The following DDIAS variants were observed in gnomAD, a reference collection of about 807,000 sequenced individuals.
DDIAS encodes the protein DNA damage induced apoptosis suppressor, also known as DNA damage-induced apoptosis suppressor protein.
DDIAS carries 14 observed loss-of-function variants against 15.7 expected under a neutral mutation model. That is an observed-to-expected ratio of 0.89 (90% CI 0.59 to 1.39). DDIAS has a LOEUF of 1.39. Ranked by LOEUF, DDIAS falls within the 40% of genes most tolerant of loss-of-function variation. DDIAS has a pLI of 0.00. For synonymous variants in DDIAS, 355 were observed against 395.9 expected (o/e 0.90, Z 1.23); for missense variants, 1,035 against 1,130.9 (o/e 0.92, Z 1.22).
Position 82,933,038 on chromosome 11 carries a change from G to A in DDIAS, c.1700G>A (p.Ser567Asn), listed in dbSNP as rs1301983795. Reference sequence around the variant, plus strand: ...ATCAGAATCTCACCACACAGGGAGAGTGACCATTCTAGTCTAAATAACAAA... The same window carrying A: ...ATCAGAATCTCACCACACAGGGAGAATGACCATTCTAGTCTAAATAACAAA... ...KTIRISPHRE[S>N]DHSSLNNKYL... Residue 567 changes from serine to asparagine, a missense_variant, in exon 6 of 6, where the codon AGT (serine) becomes AAT (asparagine). Physicochemically the swap from Ser to Asn is conservative, Grantham distance 46. Coordinates refer to ENST00000533655, the MANE Select transcript of DDIAS (RefSeq NM_145018.4). The A allele has an allele frequency of 1.2e-6, 2 of 1,606,852 alleles. No individual in the cohort carries two copies. Among genetic ancestry groups the A allele is most frequent in the African/African-American group, 2.7e-5 (2 of 75,048 alleles).
rs1428204211 is a variant in DDIAS at position 82,914,848 on chromosome 11, A to G, written c.110A>G (p.Lys37Arg). 6 of 1,554,426 alleles carry G rather than the reference A, an allele frequency of 3.9e-6. No individual in the cohort carries two copies. The highest frequency in any genetic ancestry group is 2.3e-5 in the East Asian group (1 of 44,316). ...KCFSRIILVS[K>R]RSNCPKCGST... is the part of the protein sequence containing the mutation. The stretch of plus-strand genomic sequence containing the variant: ...TTCTCTAGGATAATCCTGGTCTCCA[A>G]AAGGTAAAAGTAAAGTCTGTAAGTG... The change falls in exon 3 of 6, where the codon AAA becomes AGA. Residue 37 changes from lysine (K) to arginine (R), a missense_variant. Physicochemically the swap from Lys to Arg is conservative, Grantham distance 26. Transcript: ENST00000533655.
chr11:82,918,783 G>C (rs539243167), intron 3 of DDIAS, among the ~76,000 whole-genome samples: 1 of 151,874 alleles, frequency 6.6e-6, no homozygotes, highest in Non-Finnish European at 1.5e-5. Context: ...GAGGTCTTTT[G>C]CCTCCTTGGT....
chr11:82,908,713 A>G (rs1860474306), intron 1 of DDIAS, among the ~76,000 whole-genome samples: 1 of 152,146 alleles, frequency 6.6e-6, no homozygotes. Context: ...AAATAACCAA[A>G]TTTCCCACAT....
chr11:82,934,022 CTGA>C lies in DDIAS; in HGVS notation c.2686_2688del (p.Asp896del), dbSNP rs796461141. On this transcript the variant is annotated inframe_deletion, in exon 6 of 6. Transcript: ENST00000533655. ...AAATGCCTTGCTGCCTATCATTTCC[CTGA>C]TCAACAAGAGTTACCAAGAAAGAAA... The C allele has an allele frequency of 1.2e-6, 2 of 1,613,772 alleles. No homozygotes were observed. The highest frequency in any genetic ancestry group is 1.7e-5 in the Admixed American group (1 of 59,974).
chr11:82,914,371 C>T (rs10792664), intron 2 of DDIAS, among the ~76,000 whole-genome samples: 35,937 of 152,144 alleles, frequency 0.24, 4,689 homozygotes, highest in Admixed American at 0.3. Context: ...TCAAGATGCT[C>T]AACCGGTAGT....
At chr11:82,903,024 T>C (rs972290434) in intron 1 of DDIAS, among the ~76,000 whole-genome samples, 2 of 152,090 alleles carry the variant, frequency 1.3e-5, no homozygotes, top group Non-Finnish European at 2.9e-5. Flanking sequence ...GATCCAACCA[T>C]GCAAAAGAGG....
chr11:82,919,944 C>T (rs112057139), intron 3 of DDIAS, among the ~76,000 whole-genome samples: 1,970 of 152,244 alleles, frequency 0.013, 31 homozygotes, highest in African/African-American at 0.044. Context: ...AGGATGGTCT[C>T]GATCTCCTAA....
chr11:82,910,139 T>G (rs543546769), intron 1 of DDIAS, among the ~76,000 whole-genome samples: 62 of 152,352 alleles, frequency 4.1e-4, no homozygotes, highest in Non-Finnish European at 8.5e-4. Flanking sequence ...TGAAAGTTTT[T>G]GCCATGTGTT....
At chr11:82,912,847 C>T (rs1432483796) in intron 1 of DDIAS, among the ~76,000 whole-genome samples, 1 of 152,116 alleles carries the variant, frequency 6.6e-6, no homozygotes, top group Admixed American at 6.5e-5. Flanking sequence ...TTCACCTGAA[C>T]ACCTAGAGGT....
chr11:82,912,179 C>A (rs775533407), intron 1 of DDIAS, among the ~76,000 whole-genome samples: 2 of 152,192 alleles, frequency 1.3e-5, no homozygotes, highest in Non-Finnish European at 2.9e-5. Context: ...TCACCCCTAA[C>A]AAGAGAGTTA....
chr11:82,910,279 C>CTTT (rs71063240), intron 1 of DDIAS, among the ~76,000 whole-genome samples: 3 of 129,844 alleles, frequency 2.3e-5, no homozygotes, highest in Non-Finnish European at 4.9e-5. Flanking sequence ...ACAAACCAAC[C>CTTT]TTTTTTTTTT....
chr11:82,931,932 G>A lies in DDIAS; in HGVS notation c.594G>A (p.Gln198=), dbSNP rs779040583. The change falls in exon 6 of 6, where the codon CAG becomes CAA. Residue 198 remains glutamine (Q), a synonymous_variant. Transcript: ENST00000533655. ...TCAGGAAACTTCAGTGTGACTCTCA[G>A]GCACCTAACAATCACTTACTTGCTT... ...FNFRKLQCDS[Q]APNNHLLALD... 1 of 1,614,060 alleles carries A rather than the reference G, an allele frequency of 6.2e-7. No homozygotes were observed. Among genetic ancestry groups the A allele is most frequent in the Non-Finnish European group, 8.5e-7 (1 of 1,179,996 alleles).
intron 4 of DDIAS, among the ~76,000 whole-genome samples, chr11:82,929,575 C>T (rs918740490): frequency 2.0e-5 from 3 of 151,846 alleles, no homozygotes; most frequent in African/African-American, 4.8e-5. Context: ...TGGTGGTGGG[C>T]GCCTGTAGTC....
chr11:82,933,776 A>C lies in DDIAS; in HGVS notation c.2438A>C (p.Glu813Ala). 6.2e-7 allele frequency: 1 copy of C among 1,610,572 alleles called. No individual in the cohort carries two copies. The highest frequency in any genetic ancestry group is 8.5e-7 in the Non-Finnish European group (1 of 1,179,196). Residue 813 changes from glutamate (E) to alanine (A), a missense_variant, in exon 6 of 6, where the codon GAA (glutamate) becomes GCA (alanine). Physicochemically the swap from Glu to Ala is moderately radical, Grantham distance 107. Coordinates refer to ENST00000533655, the MANE Select transcript of DDIAS (RefSeq NM_145018.4). ...TATGAAAAAATAAGGATTTTCCCTG[A>C]AAATGACAAACAGCAAGCCAGCCCA... The part of the protein sequence containing the change: ...GNYEKIRIFP[E>A]NDKQQASPSC...
At position 82,933,914 on chromosome 11, in the gene DDIAS, C is replaced by CTGAT; in HGVS notation, c.2577_2580dup (p.Ser861Ter). On this transcript the variant is annotated frameshift_variant, in exon 6 of 6. Transcript: ENST00000533655. LOFTEE classifies it low-confidence loss of function (END_TRUNC). ...TACCCTTTTGCTGAGTGCCATGAAA[C>CTGAT]TGATAGTGATGAATGGGTCCCTCCT... 1 of 1,613,488 alleles carries CTGAT rather than the reference C, an allele frequency of 6.2e-7. No individual in the cohort carries two copies. Among genetic ancestry groups the CTGAT allele is most frequent in the Non-Finnish European group, 8.5e-7 (1 of 1,179,856 alleles).
chr11:82,902,040 A>G (rs922110828), intron 1 of DDIAS, among the ~76,000 whole-genome samples: 10 of 152,194 alleles, frequency 6.6e-5, no homozygotes, highest in African/African-American at 2.4e-4. Context: ...CGTTTATTGA[A>G]CACTTACAGT....
chr11:82,926,348 CA>C (rs1302382715), intron 3 of DDIAS, among the ~76,000 whole-genome samples: 1 of 152,038 alleles, frequency 6.6e-6, no homozygotes, highest in Non-Finnish European at 1.5e-5. Flanking sequence ...CACAGCCTCC[CA>C]AAGTGCTGGG....
chr11:82,913,937 C>CTT, intron 2 of DDIAS: 9 of 416,178 alleles, frequency 2.2e-5, no homozygotes, highest in East Asian at 7.7e-5. Context: ...TTATACAATA[C>CTT]TTTTTTTTTT....
chr11:82,921,165 T>A (rs1293541030), intron 3 of DDIAS, among the ~76,000 whole-genome samples: 1 of 152,218 alleles, frequency 6.6e-6, no homozygotes, highest in Non-Finnish European at 1.5e-5. Context: ...GCTTTAAAGT[T>A]TGTTTTTGTC....
Sources: allele counts gnomAD v4.1 joint callset (sites outside exome capture counted in the v4.1 genomes callset), GRCh38; gene constraint gnomAD v4.1.1; transcripts MANE v1.5; gene names NCBI Gene and HGNC (gene_info 2026-07-23, HGNC 2026-07-21).